Variants in DMD observed in about 807,000 individuals in gnomAD.
DMD encodes dystrophin.
A neutral mutation model predicts 330.1 loss-of-function variants in DMD; 63 were observed. The observed-to-expected ratio is 0.19, with a 90% CI of 0.16 to 0.24. The LOEUF (loss-of-function observed/expected upper bound fraction) is 0.24, where lower values mean the gene tolerates loss of function less well. DMD is among the 10% of genes least tolerant of loss of function. DMD has a pLI of 1.00. For synonymous variants in DMD, 1,223 were observed against 959.8 expected (o/e 1.27, Z -5.07); for missense variants, 3,344 against 2,684.1 (o/e 1.25, Z -5.43).
chrX:32,222,986 A>G (rs1384523461), intron 43 of DMD, among the ~76,000 whole-genome samples: 1 of 112,004 alleles, frequency 8.9e-6, no homozygotes. Context: ...ACCATCACCC[A>G]GACCAAGAAA....
intron 54 of DMD, among the ~76,000 whole-genome samples, chrX:31,638,405 T>C (rs1302915907): frequency 9.0e-6 from 1 of 111,683 alleles, no homozygotes; most frequent in Non-Finnish European, 1.9e-5. Context: ...TGTGTCAGGG[T>C]TGAGAACAGA....
At chrX:32,844,468 A>G (rs1451891427) in intron 4 of DMD, among the ~76,000 whole-genome samples, 1 of 111,283 alleles carries the variant, frequency 9.0e-6, no homozygotes, top group Non-Finnish European at 1.9e-5. Context: ...AAGCAAAGTA[A>G]GAAAAGAAAC....
intron 59 of DMD, among the ~76,000 whole-genome samples, chrX:31,454,343 T>C (rs746324888): frequency 6.9e-4 from 77 of 111,900 alleles, no homozygotes; most frequent in Non-Finnish European, 1.3e-3. Context: ...GGTTTCACCT[T>C]GTTGGCCAGG....
At chrX:32,492,775 C>G (rs2043130712) in intron 19 of DMD, among the ~76,000 whole-genome samples, 1 of 112,098 alleles carries the variant, frequency 8.9e-6, no homozygotes, top group Admixed American at 9.5e-5. Flanking sequence ...TGATATCATG[C>G]ATTTTTAAAC....
intron 17 of DMD, among the ~76,000 whole-genome samples, chrX:32,533,490 C>G (rs2047666783): frequency 8.9e-6 from 1 of 111,738 alleles, no homozygotes; most frequent in Non-Finnish European, 1.9e-5. Flanking sequence ...CAGTCAGATG[C>G]TAATTTTCCC....
rs897404152 is a variant in DMD at position 31,727,976 on chromosome X, C to A, written c.7660+1655G>T. Reference sequence around the variant, plus strand: ...GAAATGGTAAACATACTAGAAAGAGCGCAGATTTTCAAGTCAGAAAGAGAC... The same window carrying A: ...GAAATGGTAAACATACTAGAAAGAGAGCAGATTTTCAAGTCAGAAAGAGAC... On this transcript the variant is annotated intron_variant, in intron 52 of 78. Coordinates refer to ENST00000357033, the MANE Select transcript of DMD (RefSeq NM_004006.3). Among the ~76,000 whole-genome samples the A allele has an allele frequency of 7.1e-5, 8 of 112,364 alleles. No individual in the cohort carries two copies. The Admixed American group carries it at 7.5e-4, about 11-fold the overall frequency.
Position 32,633,077 on chromosome X carries a change from T to C in DMD, c.1331+11055A>G, listed in dbSNP as rs186858275. Among the ~76,000 whole-genome samples the C allele has an allele frequency of 9.8e-5, 11 of 112,313 alleles. No homozygotes were observed. In the Admixed American group the frequency reaches 1.0e-3, roughly 11 times the overall value. Reference sequence around the variant, plus strand: ...CCTTTTAAATATACATGTATAAATATGTAAAAAACCTGCACGTTCTGCACA... The same window carrying C: ...CCTTTTAAATATACATGTATAAATACGTAAAAAACCTGCACGTTCTGCACA... On this transcript the variant is annotated intron_variant, in intron 11 of 78. Coordinates refer to ENST00000357033, the MANE Select transcript of DMD (RefSeq NM_004006.3).
intron 34 of DMD, among the ~76,000 whole-genome samples, chrX:32,375,499 T>G (rs1477186439): frequency 2.7e-5 from 3 of 112,261 alleles, no homozygotes; most frequent in African/African-American, 9.7e-5. Flanking sequence ...AAGCATTTGC[T>G]TTTGTATGTT....
intron 2 of DMD, among the ~76,000 whole-genome samples, chrX:32,869,424 C>T (rs1333043759): frequency 9.0e-6 from 1 of 110,645 alleles, no homozygotes; most frequent in Non-Finnish European, 1.9e-5. Flanking sequence ...CAGAAGTAGG[C>T]TTCAGAAGAT....
rs149971563 is a variant in DMD at position 31,459,062 on chromosome X, G to T, written c.8938-14435C>A. On this transcript the variant is annotated intron_variant, in intron 59 of 78. Coordinates refer to ENST00000357033, the MANE Select transcript of DMD (RefSeq NM_004006.3). ...GGAGATTCTAGTATATTGGGTTTGTGAAAGTCTAAAACAATGGACCATTCT... is the reference window on the plus strand; with the variant it reads ...GGAGATTCTAGTATATTGGGTTTGTTAAAGTCTAAAACAATGGACCATTCT... 8.5e-3 allele frequency among the ~76,000 whole-genome samples: 947 copies of T among 111,195 alleles called. 12 individuals carry two copies. The highest frequency in any genetic ancestry group is 0.029 in the African/African-American group (886 of 30,613).
chrX:31,882,822 T>A (rs1340811707), intron 47 of DMD, among the ~76,000 whole-genome samples: 2 of 111,329 alleles, frequency 1.8e-5, no homozygotes, highest in African/African-American at 6.5e-5. Flanking sequence ...AGGATAAAGG[T>A]TGAAAATACA....
At chrX:31,258,281 T>C (rs1290830900) in intron 63 of DMD, among the ~76,000 whole-genome samples, 1 of 112,533 alleles carries the variant, frequency 8.9e-6, no homozygotes, top group African/African-American at 3.2e-5. Context: ...TCCTGTGAAA[T>C]GTGGATGTTG....
At chrX:32,655,379 C>T (rs975175509) in intron 9 of DMD, among the ~76,000 whole-genome samples, 10 of 112,074 alleles carry the variant, frequency 8.9e-5, no homozygotes, top group African/African-American at 3.3e-5. Context: ...TTATTTCTGC[C>T]TTCATTTCGT....
intron 34 of DMD, among the ~76,000 whole-genome samples, chrX:32,371,246 C>T (rs763878009): frequency 1.9e-4 from 21 of 111,430 alleles, no homozygotes; most frequent in Non-Finnish European, 3.4e-4. Context: ...GTGAAAAACA[C>T]GGTAATTTGT....
intron 76 of DMD, among the ~76,000 whole-genome samples, chrX:31,138,762 G>A (rs1400311636): frequency 9.1e-6 from 1 of 109,406 alleles, no homozygotes; most frequent in Non-Finnish European, 1.9e-5. Context: ...GAACAGCATG[G>A]GGGAAAACTT....
At chrX:32,700,570 T>C (rs1389709322) in intron 7 of DMD, among the ~76,000 whole-genome samples, 2 of 111,707 alleles carry the variant, frequency 1.8e-5, no homozygotes, top group Non-Finnish European at 3.8e-5. Flanking sequence ...CCATGAAACA[T>C]GCTAAGCATA....
intron 52 of DMD, among the ~76,000 whole-genome samples, chrX:31,685,104 T>C (rs1205480898): frequency 9.0e-6 from 1 of 110,976 alleles, no homozygotes; most frequent in Non-Finnish European, 1.9e-5. Context: ...CTTGGAGGAG[T>C]TCCTACATAA....
intron 30 of DMD, among the ~76,000 whole-genome samples, chrX:32,409,871 A>G (rs1028158793): frequency 4.5e-5 from 5 of 111,313 alleles, no homozygotes; most frequent in African/African-American, 1.6e-4. Flanking sequence ...ACTCATTCCT[A>G]TCATGCATTT....
At chrX:32,628,692 C>T (rs949328166) in intron 11 of DMD, among the ~76,000 whole-genome samples, 1 of 110,523 alleles carries the variant, frequency 9.0e-6, no homozygotes, top group Non-Finnish European at 1.9e-5. Context: ...TTCACTGCTT[C>T]CCATAGGTTT....
Sources: gnomAD v4.1 joint callset for allele counts (sites outside exome capture counted in the v4.1 genomes callset) on GRCh38, gnomAD v4.1.1 for gene constraint, MANE v1.5 for transcripts, NCBI Gene and HGNC (gene_info 2026-07-23, HGNC 2026-07-21) for gene names.